Variants in PLXDC2 observed in about 807,000 individuals in gnomAD.
The protein encoded by PLXDC2 is plexin domain containing 2, also known as plexin domain-containing protein 2.
In PLXDC2, 40 loss-of-function variants were observed where a neutral mutation model predicts 68.9. That is an observed-to-expected ratio of 0.58 (90% CI 0.45 to 0.76). PLXDC2 has a LOEUF of 0.76. PLXDC2 is among the 30% of genes least tolerant of loss of function. PLXDC2 has a pLI of 0.00. For missense variants in PLXDC2, 644 were observed against 661.9 expected (o/e 0.97, Z 0.30); for synonymous variants, 243 against 234.2 (o/e 1.04, Z -0.34).
At chr10:20,180,834 A>G (rs1834593692) in intron 9 of PLXDC2, among the ~76,000 whole-genome samples, 2 of 152,058 alleles carry the variant, frequency 1.3e-5, no homozygotes, top group East Asian at 3.9e-4. Flanking sequence ...TACTTGGTCC[A>G]TTTCTTTGAA....
At chr10:20,158,005 C>T (rs1419093857) in intron 6 of PLXDC2, among the ~76,000 whole-genome samples, 1 of 151,782 alleles carries the variant, frequency 6.6e-6, no homozygotes, top group African/African-American at 2.4e-5. Context: ...TAAAATTTAG[C>T]TTTGCTTTAA....
At chr10:19,967,567 A>C (rs952179577) in intron 1 of PLXDC2, among the ~76,000 whole-genome samples, 2 of 152,224 alleles carry the variant, frequency 1.3e-5, no homozygotes, top group African/African-American at 2.4e-5. Flanking sequence ...AATAAGTATA[A>C]TAATAAACAT....
At chr10:20,137,373 T>C (rs890953460) in intron 4 of PLXDC2, among the ~76,000 whole-genome samples, 3 of 152,218 alleles carry the variant, frequency 2.0e-5, no homozygotes, top group Admixed American at 6.5e-5. Flanking sequence ...TTAAGTAACT[T>C]AGTCACATCA....
chr10:19,920,637 G>C (rs1833445101), intron 1 of PLXDC2, among the ~76,000 whole-genome samples: 1 of 152,114 alleles, frequency 6.6e-6, no homozygotes, highest in African/African-American at 2.4e-5. Flanking sequence ...GCCCCCATCT[G>C]CTCAGAGCTA....
chr10:20,066,529 T>G (rs2131704904), intron 3 of PLXDC2, among the ~76,000 whole-genome samples: 1 of 152,350 alleles, frequency 6.6e-6, no homozygotes, highest in Non-Finnish European at 1.5e-5. Flanking sequence ...ATCTTTGAGA[T>G]AAATGATCCT....
At chr10:19,931,770 A>G (rs1267144540) in intron 1 of PLXDC2, among the ~76,000 whole-genome samples, 5 of 152,180 alleles carry the variant, frequency 3.3e-5, no homozygotes. Context: ...CTGTGCCTCT[A>G]TCTGACTCAC....
chr10:19,870,681 C>A lies in PLXDC2; in HGVS notation c.112+53490C>A, dbSNP rs140836422. On this transcript the variant is annotated intron_variant, in intron 1 of 13. Coordinates refer to ENST00000377252, the MANE Select transcript of PLXDC2 (RefSeq NM_032812.9). ...CCTGAAGTGATCTGCCTGCCTTGGC[C>A]TCCCAAAGTGCTGGGATTACAGGTG... 5.3e-5 allele frequency among the ~76,000 whole-genome samples: 8 copies of A among 152,270 alleles called. No individual in the cohort carries two copies. The East Asian group carries it at 1.5e-3, about 29-fold the overall frequency.
chr10:20,179,556 A>C (rs1465078303), intron 9 of PLXDC2, among the ~76,000 whole-genome samples: 1 of 152,150 alleles, frequency 6.6e-6, no homozygotes, highest in African/African-American at 2.4e-5. Context: ...GACAATTAGA[A>C]GAATTTTTGA....
At chr10:19,985,412 T>A (rs2131623246) in intron 1 of PLXDC2, among the ~76,000 whole-genome samples, 1 of 152,324 alleles carries the variant, frequency 6.6e-6, no homozygotes, top group East Asian at 1.9e-4. Context: ...ATAGTAGAGA[T>A]TATTGTAGTG....
chr10:20,151,862 C>T (rs1390621835), intron 6 of PLXDC2, among the ~76,000 whole-genome samples: 1 of 151,966 alleles, frequency 6.6e-6, no homozygotes, highest in African/African-American at 2.4e-5. Flanking sequence ...TTCTAATAGG[C>T]TAACACCAGC....
intron 1 of PLXDC2, among the ~76,000 whole-genome samples, chr10:19,926,173 C>G (rs1833534817): frequency 6.6e-6 from 1 of 152,200 alleles, no homozygotes; most frequent in South Asian, 2.1e-4. Context: ...TTGCCAGTTA[C>G]TCACACAGCA....
intron 13 of PLXDC2, among the ~76,000 whole-genome samples, chr10:20,270,190 G>A (rs1255334458): frequency 2.0e-5 from 3 of 152,106 alleles, no homozygotes; most frequent in African/African-American, 7.2e-5. Context: ...AGCTGAATTG[G>A]GGTATTTATA....
At chr10:20,172,715 A>G (rs1231004841) in intron 7 of PLXDC2, among the ~76,000 whole-genome samples, 1 of 152,154 alleles carries the variant, frequency 6.6e-6, no homozygotes. Context: ...TGAGAGAAAA[A>G]TAAATTTGAA....
chr10:19,855,939 TA>T (rs1191072491), intron 1 of PLXDC2, among the ~76,000 whole-genome samples: 1 of 151,804 alleles, frequency 6.6e-6, no homozygotes, highest in Non-Finnish European at 1.5e-5. Context: ...TATACATATA[TA>T]AAAAATTAGC....
At chr10:20,084,663 A>T (rs1833165134) in intron 4 of PLXDC2, among the ~76,000 whole-genome samples, 1 of 152,056 alleles carries the variant, frequency 6.6e-6, no homozygotes, top group Non-Finnish European at 1.5e-5. Flanking sequence ...CTGGCCTTAT[A>T]CCTTAACTTC....
intron 6 of PLXDC2, among the ~76,000 whole-genome samples, chr10:20,163,841 C>T (rs181089679): frequency 9.4e-4 from 143 of 152,212 alleles, no homozygotes; most frequent in African/African-American, 3.2e-3. Context: ...ATCTTGGTTT[C>T]ATTGAGATTC....
intron 4 of PLXDC2, among the ~76,000 whole-genome samples, chr10:20,076,949 G>T (rs1000786153): frequency 6.6e-6 from 1 of 152,076 alleles, no homozygotes; most frequent in African/African-American, 2.4e-5. Flanking sequence ...ATAGAATCTC[G>T]AAATATTTCT....
chr10:20,084,105 G>T (rs1011172733), intron 4 of PLXDC2, among the ~76,000 whole-genome samples: 1 of 152,190 alleles, frequency 6.6e-6, no homozygotes, highest in Non-Finnish European at 1.5e-5. Flanking sequence ...AAGTCTTACA[G>T]ATTTGGCAGC....
intron 2 of PLXDC2, among the ~76,000 whole-genome samples, chr10:20,031,010 C>A (rs1273592202): frequency 6.6e-6 from 1 of 152,114 alleles, no homozygotes. Context: ...CTGACTGGGA[C>A]CAGCCAGGCC....
Sources: allele counts gnomAD v4.1 joint callset (sites outside exome capture counted in the v4.1 genomes callset), GRCh38; gene constraint gnomAD v4.1.1; transcripts MANE v1.5; gene names NCBI Gene and HGNC (gene_info 2026-07-23, HGNC 2026-07-21).